Variants in PREX1 observed in about 807,000 individuals in gnomAD.
The protein encoded by PREX1 is phosphatidylinositol 3,4,5-trisphosphate-dependent Rac exchanger 1 protein.
PREX1 carries 41 observed loss-of-function variants against 198.3 expected under a neutral mutation model. The ratio of observed to expected loss-of-function variants is 0.21; its 90% confidence interval spans 0.16 to 0.27. The LOEUF (loss-of-function observed/expected upper bound fraction) is 0.27, where lower values mean the gene tolerates loss of function less well. Among genes scored for constraint, PREX1 ranks in the 10% least tolerant of loss-of-function variants. PREX1 has a pLI of 1.00. For synonymous variants in PREX1, 843 were observed against 887.2 expected, an observed-to-expected ratio of 0.95 and a Z score of 0.89; for missense variants, 1,620 against 2,200.7, an observed-to-expected ratio of 0.74 and a Z score of 5.28.
rs565674409 is a variant in PREX1 at position 48,664,844 on chromosome 20, C to T, written c.1738+1439G>A. ...CTCCAGACGGCCTGAATTCTAATCCCGGCTCCAGACGGCCTGAATTCTAAT... is the reference window on the plus strand; with the variant it reads ...CTCCAGACGGCCTGAATTCTAATCCTGGCTCCAGACGGCCTGAATTCTAAT... On this transcript the variant is annotated intron_variant, in intron 15 of 39. Transcript: ENST00000371941. Among the ~76,000 whole-genome samples, 930 of 142,436 alleles carry T rather than the reference C, an allele frequency of 6.5e-3. 9 individuals are homozygous for T. The highest frequency in any genetic ancestry group is 0.023 in the African/African-American group (862 of 37,816). 93.4% of individuals were successfully genotyped at this position (142,436 alleles called of 152,430 possible).
intron 36 of PREX1, among the ~76,000 whole-genome samples, chr20:48,630,494 G>A (rs757452711): frequency 3.9e-5 from 6 of 152,216 alleles, no homozygotes; most frequent in East Asian, 1.9e-4. Context: ...TTAATAAGGC[G>A]GATTGGAGTG....
chr20:48,797,784 A>G (rs1453551546), intron 1 of PREX1, among the ~76,000 whole-genome samples: 1 of 152,190 alleles, frequency 6.6e-6, no homozygotes, highest in African/African-American at 2.4e-5. Flanking sequence ...CCAGCGGCAC[A>G]TCCACTTTGC....
chr20:48,874,749 C>T, the PREX1 span, among the ~76,000 whole-genome samples: 9 of 151,796 alleles, frequency 5.9e-5, no homozygotes, highest in Non-Finnish European at 8.8e-5. Context: ...TGGTGACACA[C>T]GGCTATAGTC....
intron 6 of PREX1, among the ~76,000 whole-genome samples, chr20:48,702,434 G>A (rs2089880092): frequency 6.6e-6 from 1 of 152,236 alleles, no homozygotes; most frequent in Non-Finnish European, 1.5e-5. Flanking sequence ...TCCCTCTTCT[G>A]TGATTTTGGG....
At chr20:48,862,217 A>G in the PREX1 span, among the ~76,000 whole-genome samples, 51 of 152,262 alleles carry the variant, frequency 3.3e-4, no homozygotes, top group South Asian at 9.3e-3. Flanking sequence ...TCAACAAAAG[A>G]AAAAATAAAA....
Position 48,676,202 on chromosome 20 carries a change from C to G in PREX1, c.1656G>C (p.Leu552=), listed in dbSNP as rs1176887542. 1.9e-6 allele frequency: 3 copies of G among 1,613,986 alleles called. No homozygotes were observed. The highest frequency in any genetic ancestry group is 2.5e-6 in the Non-Finnish European group (3 of 1,179,880). ...CTGAGGAGGCCCTCACCTGAGCCAG[C>G]AGCCAGTCCACCAGCTTGCTCCCGG... ...VLPGSKLVDW[L]LAQGDCQTRE... Residue 552 remains leucine (L), a synonymous_variant, in exon 14 of 40, where the codon CTG becomes CTC. Transcript: ENST00000371941.
intron 1 of PREX1, among the ~76,000 whole-genome samples, chr20:48,818,751 T>C (rs2090470088): frequency 6.6e-6 from 1 of 152,236 alleles, no homozygotes. Context: ...AGTTTTTAAT[T>C]ATGCAAATGA....
intron 1 of PREX1, among the ~76,000 whole-genome samples, chr20:48,780,353 C>T (rs1246434931): frequency 1.3e-5 from 2 of 152,122 alleles, no homozygotes; most frequent in Non-Finnish European, 2.9e-5. Context: ...TGCAGTGGCT[C>T]ACACCTATAA....
At chr20:48,700,729 C>G in intron 7 of PREX1, 24 bp downstream of exon 7, 1 of 1,612,100 alleles carries the variant, frequency 6.2e-7, no homozygotes. Flanking sequence ...GGCCAGACCC[C>G]ATCCCAGCCT....
At chr20:48,844,269 C>A in the PREX1 span, among the ~76,000 whole-genome samples, 25,430 of 152,196 alleles carry the variant, frequency 0.17, 2,250 homozygotes, top group Non-Finnish European at 0.19. Context: ...CCCTGTACCC[C>A]CCATTCCCTT....
chr20:48,692,471 T>G, intron 8 of PREX1: 4 of 484,896 alleles, frequency 8.2e-6, no homozygotes, highest in East Asian at 6.3e-5. Flanking sequence ...GGAGGAAGGA[T>G]TTGGGGTGCA....
In PREX1 at chr20:48,705,868, T is replaced by C. The variant is rs1452003411; in HGVS notation, c.783+2392A>G. 2.0e-5 allele frequency among the ~76,000 whole-genome samples: 3 copies of C among 151,666 alleles called. No homozygotes were observed. In the South Asian group the frequency reaches 6.2e-4, roughly 32 times the overall value. Reference sequence around the variant, plus strand: ...CTAAAATTAAACAAATAGGAGAAAATAAGGCACACCAGGCAGGACAAACTT... The same window carrying C: ...CTAAAATTAAACAAATAGGAGAAAACAAGGCACACCAGGCAGGACAAACTT... On this transcript the variant is annotated intron_variant, in intron 6 of 39. Transcript: ENST00000371941.
At chr20:48,839,625 G>A in the PREX1 span, among the ~76,000 whole-genome samples, 14 of 152,178 alleles carry the variant, frequency 9.2e-5, no homozygotes, top group African/African-American at 3.4e-4. Flanking sequence ...CCTGGTCCAT[G>A]CTTGTGCTAC....
chr20:48,675,322 C>T (rs2089700859), intron 14 of PREX1, among the ~76,000 whole-genome samples: 1 of 152,242 alleles, frequency 6.6e-6, no homozygotes, highest in Non-Finnish European at 1.5e-5. Flanking sequence ...TGGTCTGGAA[C>T]TCCCAACCTC....
the PREX1 span, among the ~76,000 whole-genome samples, chr20:48,856,266 G>A: frequency 1.3e-5 from 2 of 152,258 alleles, no homozygotes; most frequent in African/African-American, 4.8e-5. Context: ...ATCCATCCCA[G>A]AGTTGCTGGG....
rs77716078 is a variant in PREX1 at position 48,691,548 on chromosome 20, G to A, written c.1037-452C>T. On this transcript the variant is annotated intron_variant, in intron 8 of 39. Coordinates refer to ENST00000371941, the MANE Select transcript of PREX1 (RefSeq NM_020820.4). This position sits in a 1 kb window ranked among gnomAD's most constrained non-coding sequence, Gnocchi z 5.0. ...TCTCAAACAGATTGGCATGATCTAG[G>A]GAAGCGAAAGCCTGAATCTGAGGAG... is the stretch of plus-strand genomic sequence containing the variant. Among the ~76,000 whole-genome samples, 62 of 152,274 alleles carry A rather than the reference G, an allele frequency of 4.1e-4. 2 individuals are homozygous for A. The East Asian group carries it at 5.8e-3, about 14-fold the overall frequency.
At chr20:48,784,996 C>T (rs2090305600) in intron 1 of PREX1, among the ~76,000 whole-genome samples, 1 of 152,070 alleles carries the variant, frequency 6.6e-6, no homozygotes, top group South Asian at 2.1e-4. Context: ...TCACTGCAGC[C>T]TCCATCTCCC....
At chr20:48,836,775 C>T in the PREX1 span, among the ~76,000 whole-genome samples, 5 of 151,858 alleles carry the variant, frequency 3.3e-5, no homozygotes, top group East Asian at 1.9e-4. Context: ...ATTAGTAGGT[C>T]GTGGTGGCAC....
At chr20:48,708,502 A>G (rs773985131) in intron 5 of PREX1, 81 bp from the exon 6 acceptor site, 79 of 1,410,476 alleles carry the variant, frequency 5.6e-5, no homozygotes, top group Non-Finnish European at 7.5e-5. Flanking sequence ...TGAACCCAAG[A>G]AAACAGACAA....
Sources: gnomAD v4.1 joint callset for allele counts (sites outside exome capture counted in the v4.1 genomes callset) on GRCh38, gnomAD v4.1.1 for gene constraint, Gnocchi (gnomAD v3.1) non-coding constraint, MANE v1.5 for transcripts, NCBI Gene and HGNC (gene_info 2026-07-23, HGNC 2026-07-21) for gene names.